The following SLCO3A1 variants were observed in gnomAD, a reference collection of about 807,000 sequenced individuals.
SLCO3A1 encodes solute carrier organic anion transporter family member 3A1.
SLCO3A1 carries 27 observed loss-of-function variants against 63.1 expected under a neutral mutation model. That is an observed-to-expected ratio of 0.43 (90% CI 0.32 to 0.59). The LOEUF (loss-of-function observed/expected upper bound fraction) is 0.59. Among genes scored for constraint, SLCO3A1 ranks in the 20% least tolerant of loss-of-function variants. The pLI, the probability that SLCO3A1 is intolerant of heterozygous loss-of-function variation, is 0.09. For synonymous variants in SLCO3A1, 473 were observed against 409.9 expected, an observed-to-expected ratio of 1.15 and a Z score of -1.86; for missense variants, 773 against 945.8, an observed-to-expected ratio of 0.82 and a Z score of 2.40.
chr15:92,092,267 G>C (rs1441129932), intron 2 of SLCO3A1, among the ~76,000 whole-genome samples: 1 of 152,082 alleles, frequency 6.6e-6, no homozygotes, highest in Non-Finnish European at 1.5e-5. Context: ...GACCCATTAA[G>C]TATTAATAAT....
chr15:91,892,925 G>T (rs906742666), intron 1 of SLCO3A1, among the ~76,000 whole-genome samples: 1 of 152,168 alleles, frequency 6.6e-6, no homozygotes, highest in East Asian at 1.9e-4. Context: ...CAATAATCTG[G>T]TGCATAGCAG....
intron 2 of SLCO3A1, among the ~76,000 whole-genome samples, chr15:91,939,300 G>A (rs1288359108): frequency 6.6e-6 from 1 of 152,084 alleles, no homozygotes; most frequent in Non-Finnish European, 1.5e-5. Flanking sequence ...CACAAGAACA[G>A]CACCAAGAGG....
Position 91,872,094 on chromosome 15 carries a change from G to A in SLCO3A1, c.180+18006G>A, listed in dbSNP as rs1897295307. ...AGATGTGGGGAGTCAAATCCTCTGTGGAAAGGGGAATTGCCTTCGTCGAGG... is the reference window on the plus strand; with the variant it reads ...AGATGTGGGGAGTCAAATCCTCTGTAGAAAGGGGAATTGCCTTCGTCGAGG... On this transcript the variant is annotated intron_variant, in intron 1 of 9. Transcript: ENST00000318445. This position sits in a 1 kb window ranked among gnomAD's most constrained non-coding sequence, Gnocchi z 4.1. 1.3e-5 allele frequency among the ~76,000 whole-genome samples: 2 copies of A among 152,124 alleles called. No individual in the cohort carries two copies. Among genetic ancestry groups the A allele is most frequent in the South Asian group, 4.1e-4 (2 of 4,826 alleles).
chr15:92,084,248 A>G (rs1567110636), intron 2 of SLCO3A1, among the ~76,000 whole-genome samples: 1 of 152,204 alleles, frequency 6.6e-6, no homozygotes, highest in Admixed American at 6.5e-5. Context: ...TACCTAAGTG[A>G]TTTAAAACGT....
rs1175454324 is a variant in SLCO3A1 at position 91,967,421 on chromosome 15, TG to T, written c.646+50964del. 1.3e-5 allele frequency among the ~76,000 whole-genome samples: 2 copies of T among 152,202 alleles called. No homozygotes were observed. The highest frequency in any genetic ancestry group is 1.5e-5 in the Non-Finnish European group (1 of 68,042). On this transcript the variant is annotated intron_variant, in intron 2 of 9. Transcript: ENST00000318445. This position sits in a 1 kb window ranked among gnomAD's most constrained non-coding sequence, Gnocchi z 4.4. ...CTGCTTGAAGCTTTATATGGTGATC[TG>T]TGGTAGAATGTCCCTCCTCTGGTTA...
rs1324683903 is a variant in SLCO3A1, at chr15:91,937,563, C to CA, written c.646+21111dup. Among the ~76,000 whole-genome samples, 14 of 152,048 alleles carry CA rather than the reference C, an allele frequency of 9.2e-5. 3 individuals are homozygous for CA. Among genetic ancestry groups the CA allele is most frequent in the African/African-American group, 3.4e-4 (14 of 41,468 alleles). ...TGAAACCCCATCTCTACTAAAAATA[C>CA]AAAAAATTAGCTGGGTCTGGTGGTG... On this transcript the variant is annotated intron_variant, in intron 2 of 9. Transcript: ENST00000318445.
At chr15:92,082,712 C>G (rs1223851240) in intron 2 of SLCO3A1, among the ~76,000 whole-genome samples, 1 of 152,200 alleles carries the variant, frequency 6.6e-6, no homozygotes, top group Non-Finnish European at 1.5e-5. Flanking sequence ...AACCCTTCTT[C>G]CCAGACTCAG....
intron 9 of SLCO3A1, among the ~76,000 whole-genome samples, chr15:92,156,148 T>G (rs1000901721): frequency 6.6e-6 from 1 of 152,140 alleles, no homozygotes; most frequent in Non-Finnish European, 1.5e-5. Flanking sequence ...ATGCCAAAGT[T>G]TATAGGCAAG....
At chr15:92,051,579 A>T (rs2046957826) in intron 2 of SLCO3A1, among the ~76,000 whole-genome samples, 1 of 151,958 alleles carries the variant, frequency 6.6e-6, no homozygotes, top group South Asian at 2.1e-4. Context: ...AGGGAGGGAG[A>T]GTGTGCTAAG....
chr15:91,926,067 A>G (rs1567188857), intron 2 of SLCO3A1, among the ~76,000 whole-genome samples: 2 of 152,190 alleles, frequency 1.3e-5, no homozygotes, highest in African/African-American at 4.8e-5. Context: ...TTCTCTGCTC[A>G]AAGTGCTAGT....
intron 2 of SLCO3A1, among the ~76,000 whole-genome samples, chr15:92,065,568 G>A (rs1315101641): frequency 2.6e-5 from 4 of 152,112 alleles, no homozygotes; most frequent in African/African-American, 9.7e-5. Context: ...GAAAAAAGGA[G>A]GCTAGGCTAA....
In SLCO3A1 at chr15:91,859,167, G is replaced by A. The variant is rs534631804; in HGVS notation, c.180+5079G>A. 6.6e-6 allele frequency among the ~76,000 whole-genome samples: 1 copy of A among 152,278 alleles called. No homozygotes were observed. Among genetic ancestry groups the A allele is most frequent in the African/African-American group, 2.4e-5 (1 of 41,550 alleles). ...GCCATACTTTTTGAAGGTGCGAAGG[G>A]ACATTTCAATGGTAACTTTGACTGT... On this transcript the variant is annotated intron_variant, in intron 1 of 9. Transcript: ENST00000318445. The surrounding 1 kb of genome is among the most constrained non-coding windows in gnomAD (Gnocchi z 5.1).
intron 2 of SLCO3A1, among the ~76,000 whole-genome samples, chr15:92,019,866 T>C (rs1223716124): frequency 1.3e-5 from 2 of 152,158 alleles, no homozygotes; most frequent in Non-Finnish European, 2.9e-5. Flanking sequence ...AGCAGAGACC[T>C]CAGGGTTTTG....
In SLCO3A1 at chr15:91,916,241, C is replaced by T. The variant is rs1370522295; in HGVS notation, c.429C>T (p.Gly143=). ...ACGAGGCGGGCGAGATCCGCTGGGG[C>T]GCCGAGGGCCGCGACGTCTGCGCAG... ...YKYEAGEIRW[G]AEGRDVCAAN... Residue 143 remains glycine (G), a synonymous_variant, in exon 2 of 10, where the codon GGC becomes GGT. Coordinates refer to ENST00000318445, the MANE Select transcript of SLCO3A1 (RefSeq NM_013272.4). The surrounding 1 kb of genome is among the most constrained non-coding windows in gnomAD (Gnocchi z 6.2). 1 of 1,564,972 alleles carries T rather than the reference C, an allele frequency of 6.4e-7. No individual in the cohort carries two copies. The highest frequency in any genetic ancestry group is 8.6e-7 in the Non-Finnish European group (1 of 1,156,256).
intron 4 of SLCO3A1, among the ~76,000 whole-genome samples, chr15:92,110,942 A>G (rs564994370): frequency 4.6e-5 from 7 of 152,182 alleles, no homozygotes; most frequent in Admixed American, 1.3e-4. Context: ...CCTGTGTTGG[A>G]GAGGGTCTGC....
intron 2 of SLCO3A1, among the ~76,000 whole-genome samples, chr15:92,064,762 C>G (rs2047129047): frequency 6.6e-6 from 1 of 152,096 alleles, no homozygotes; most frequent in African/African-American, 2.4e-5. Context: ...TGAAATAAGC[C>G]AGGCACAAAA....
chr15:92,143,628 G>C (rs966248074), intron 7 of SLCO3A1, among the ~76,000 whole-genome samples: 2 of 142,314 alleles, frequency 1.4e-5, no homozygotes, highest in Non-Finnish European at 3.0e-5. Flanking sequence ...TATGTGAGCG[G>C]GGGATTCAGA....
intron 2 of SLCO3A1, among the ~76,000 whole-genome samples, chr15:92,080,938 C>T (rs971127054): frequency 7.8e-6 from 1 of 128,896 alleles, no homozygotes; most frequent in African/African-American, 3.1e-5. Context: ...TACATAGTAG[C>T]TGTGTGTGTG....
rs988168317 is a variant in SLCO3A1, at chr15:91,863,542, C to T, written c.180+9454C>T. 5.9e-5 allele frequency among the ~76,000 whole-genome samples: 9 copies of T among 152,338 alleles called. No individual in the cohort carries two copies. Among genetic ancestry groups the T allele is most frequent in the African/African-American group, 2.2e-4 (9 of 41,560 alleles). ...CTTGTGGGATGCTTTGCATAAGCAG[C>T]ATGTATTCCAGTGTGGCACATCACA... On this transcript the variant is annotated intron_variant, in intron 1 of 9. Coordinates refer to ENST00000318445, the MANE Select transcript of SLCO3A1 (RefSeq NM_013272.4). This position sits in a 1 kb window ranked among gnomAD's most constrained non-coding sequence, Gnocchi z 4.3.
Sources: gnomAD v4.1 joint callset for allele counts (sites outside exome capture counted in the v4.1 genomes callset) on GRCh38, gnomAD v4.1.1 for gene constraint, Gnocchi (gnomAD v3.1) non-coding constraint, MANE v1.5 for transcripts, NCBI Gene and HGNC (gene_info 2026-07-23, HGNC 2026-07-21) for gene names.